The following CACNG8 variants were observed in gnomAD, a reference collection of about 807,000 sequenced individuals.
CACNG8 encodes the protein voltage-dependent calcium channel gamma-8 subunit.
A neutral mutation model predicts 26.9 loss-of-function variants in CACNG8; 5 were observed. The ratio of observed to expected loss-of-function variants is 0.19; its 90% CI spans 0.10 to 0.39. The LOEUF is 0.39. CACNG8 is among the 10% of genes least tolerant of loss of function. CACNG8 has a pLI of 1.00. For synonymous variants in CACNG8, 321 were observed against 296.7 expected (o/e 1.08, Z -0.84); for missense variants, 473 against 609.4 (o/e 0.78, Z 2.36).
At position 53,978,429 on chromosome 19, in the gene CACNG8, C is replaced by A. The variant is rs1050813530; in HGVS notation, c.367+200C>A. On this transcript the variant is annotated intron_variant, in intron 2 of 3. Transcript: ENST00000270458. Reference sequence around the variant, plus strand: ...TGACTGATCTCGTTCCCGCCCCCTCCTCTCACCTTGGGGCGGGCTGAGGGA... The same window carrying A: ...TGACTGATCTCGTTCCCGCCCCCTCATCTCACCTTGGGGCGGGCTGAGGGA... Among the ~76,000 whole-genome samples the A allele has an allele frequency of 3.9e-5, 6 of 152,150 alleles. No homozygotes were observed. In the East Asian group the frequency reaches 1.2e-3, roughly 29 times the overall value.
Position 53,982,342 on chromosome 19 carries a change from C to A in CACNG8, c.771C>A (p.Pro257=). The A allele has an allele frequency of 1.9e-6, 3 of 1,555,324 alleles. No homozygotes were observed. The highest frequency in any genetic ancestry group is 2.6e-6 in the Non-Finnish European group (3 of 1,154,492). ...CGGGCGGCAGTGGCGGGAGCGGCCC[C>A]TCGGCCATCCTCCGTCTGCCCAGTT... is the stretch of plus-strand genomic sequence containing the variant. Residue 257 remains proline (P), a synonymous_variant, in exon 4 of 4, where the codon CCC becomes CCA. Transcript: ENST00000270458. The surrounding 1 kb of genome is among the most constrained non-coding windows in gnomAD (Gnocchi z 8.4).
Position 53,966,555 on chromosome 19 carries a change from G to A in CACNG8, c.283+3130G>A, listed in dbSNP as rs576113821. Among the ~76,000 whole-genome samples, 4 of 152,136 alleles carry A rather than the reference G, an allele frequency of 2.6e-5. No homozygotes were observed. In the East Asian group the frequency reaches 7.7e-4, roughly 29 times the overall value. On this transcript the variant is annotated intron_variant, in intron 1 of 3. Transcript: ENST00000270458. ...AGCCTCCCAAATAGCTAGAACTACA[G>A]GCACATGCCCCCATTTTTTGTAGAC...
intron 1 of CACNG8, among the ~76,000 whole-genome samples, chr19:53,968,026 A>G (rs927986734): frequency 2.0e-5 from 3 of 152,040 alleles, no homozygotes; most frequent in African/African-American, 7.2e-5. Flanking sequence ...GCTGGGCTGG[A>G]GATATCAGTT....
intron 1 of CACNG8, among the ~76,000 whole-genome samples, chr19:53,968,092 C>T (rs778779655): frequency 2.0e-5 from 3 of 150,956 alleles, no homozygotes; most frequent in Non-Finnish European, 3.0e-5. Context: ...AGAGAAGAGA[C>T]AGTTGGGTGC....
chr19:53,980,271 C>T (rs904224570), intron 3 of CACNG8, among the ~76,000 whole-genome samples: 3 of 151,822 alleles, frequency 2.0e-5, no homozygotes, highest in Non-Finnish European at 4.4e-5. Context: ...GTGTCTGGCG[C>T]GTAAGACGCC....
intron 2 of CACNG8, 89 bp downstream of exon 2, chr19:53,978,318 G>C (rs1320596301): frequency 7.2e-6 from 7 of 968,462 alleles, no homozygotes; most frequent in African/African-American, 3.2e-5. Context: ...AAGGCACTGG[G>C]ACTCCGGCAC....
In CACNG8 at chr19:53,982,213, C is replaced by T. The variant is rs2069373918; in HGVS notation, c.642C>T (p.Ile214=). 2 of 1,613,162 alleles carry T rather than the reference C, an allele frequency of 1.2e-6. No homozygotes were observed. Among genetic ancestry groups the T allele is most frequent in the Non-Finnish European group, 1.7e-6 (2 of 1,179,752 alleles). The change falls in exon 4 of 4, where the codon ATC becomes ATT. Residue 214 remains isoleucine, a synonymous_variant. Coordinates refer to ENST00000270458, the MANE Select transcript of CACNG8 (RefSeq NM_031895.6). The surrounding 1 kb of genome is among the most constrained non-coding windows in gnomAD (Gnocchi z 8.4). ...TCTACTTCGGCGGGCTGTCGTTCAT[C>T]CTGGCCGAGGTGATAGGCGTGCTGG...
chr19:53,963,225 C>G lies in CACNG8; in HGVS notation c.83C>G (p.Ala28Gly). 6.2e-7 allele frequency: 1 copy of G among 1,608,440 alleles called. No individual in the cohort carries two copies. The highest frequency in any genetic ancestry group is 1.1e-5 in the South Asian group (1 of 90,602). ...CAGGTGCTGCTGACGACGGTGGGCGCCTTCGCCGCCTTCGGCCTCATGACC... is the reference window on the plus strand; with the variant it reads ...CAGGTGCTGCTGACGACGGTGGGCGGCTTCGCCGCCTTCGGCCTCATGACC... Residue 28 changes from alanine to glycine, a missense_variant, in exon 1 of 4, where the codon GCC becomes GGC. Transcript: ENST00000270458.
chr19:53,980,052 G>T, intron 3 of CACNG8, 45 bp downstream of exon 3: 1 of 1,551,834 alleles, frequency 6.4e-7, no homozygotes, highest in Non-Finnish European at 8.7e-7. Context: ...CCACCTGGGC[G>T]CGCACGTGTG....
At chr19:53,975,873 T>G (rs2069327980) in intron 1 of CACNG8, among the ~76,000 whole-genome samples, 1 of 152,150 alleles carries the variant, frequency 6.6e-6, no homozygotes, top group Admixed American at 6.5e-5. Context: ...GGGTAATGGG[T>G]GCTATACATC....
intron 1 of CACNG8, among the ~76,000 whole-genome samples, chr19:53,963,805 T>TC (rs72367747): frequency 0.019 from 1,066 of 55,548 alleles, 23 homozygotes; most frequent in African/African-American, 0.053. Flanking sequence ...GCCTTTTCTC[T>TC]TTTTTTTTTT....
intron 2 of CACNG8, among the ~76,000 whole-genome samples, chr19:53,978,911 G>C (rs2069346882): frequency 1.4e-5 from 2 of 140,216 alleles, no homozygotes; most frequent in Non-Finnish European, 3.0e-5. Flanking sequence ...GGAGTGAAGA[G>C]AAGAGAAACC....
chr19:53,982,141 G>T lies in CACNG8; in HGVS notation c.570G>T (p.Pro190=), dbSNP rs781021411. ...CCGCCAACGCGGGCGAGCCGGGCCC[G>T]AAGCGGGACGAGGAGAAGAAAAACC... is the stretch of plus-strand genomic sequence containing the variant. Residue 190 remains proline, a synonymous_variant, in exon 4 of 4, where the codon CCG becomes CCT. Coordinates refer to ENST00000270458, the MANE Select transcript of CACNG8 (RefSeq NM_031895.6). The surrounding 1 kb of genome is among the most constrained non-coding windows in gnomAD (Gnocchi z 8.4). 5.0e-6 allele frequency: 8 copies of T among 1,611,438 alleles called. No individual in the cohort carries two copies. In the Admixed American group the frequency reaches 1.3e-4, roughly 27 times the overall value.
rs2069383583 is a variant in CACNG8, at chr19:53,982,961, A to G, written c.*112A>G. On this transcript the variant is annotated 3_prime_UTR_variant, in exon 4 of 4. Coordinates refer to ENST00000270458, the MANE Select transcript of CACNG8 (RefSeq NM_031895.6). This position sits in a 1 kb window ranked among gnomAD's most constrained non-coding sequence, Gnocchi z 8.4. ...GCTTTCCCCCGTGAGCGCGCTGGAG[A>G]CTGCTGGGCCCGCCCCACGCCCACC... 7 of 660,566 alleles carry G rather than the reference A, an allele frequency of 1.1e-5. No homozygotes were observed. The highest frequency in any genetic ancestry group is 1.4e-5 in the Non-Finnish European group (7 of 494,156). The allele number at this position is 660,566 out of a possible 1,614,324, so 40.9% of individuals were successfully genotyped here. A position where few individuals can be genotyped will look rare whatever the true frequency, so the allele number is the denominator to read the frequency against.
rs142201844 is a variant in CACNG8, at chr19:53,976,024, A to G, written c.284-2122A>G. Among the ~76,000 whole-genome samples the G allele has an allele frequency of 6.2e-3, 944 of 152,322 alleles. 8 individuals are homozygous for G. Among genetic ancestry groups the G allele is most frequent in the African/African-American group, 0.021 (882 of 41,578 alleles). On this transcript the variant is annotated intron_variant, in intron 1 of 3. Transcript: ENST00000270458. ...TGGGGAAACTGAAGCAAGCTGGCCT[A>G]TGTAACACCAGCAAGGACACAGAAT...
chr19:53,979,332 A>T (rs1229728936), intron 2 of CACNG8, among the ~76,000 whole-genome samples: 1 of 151,844 alleles, frequency 6.6e-6, no homozygotes, highest in Non-Finnish European at 1.5e-5. Context: ...GAAGAAGGGA[A>T]GAGAAACTCA....
intron 1 of CACNG8, among the ~76,000 whole-genome samples, chr19:53,972,524 G>T (rs141939157): frequency 0.037 from 5,617 of 151,148 alleles, 319 homozygotes; most frequent in African/African-American, 0.13. Flanking sequence ...ACCATGCCTG[G>T]CTAATTTTTG....
In CACNG8 at chr19:53,963,292, C is replaced by G. The variant is rs1242207781; in HGVS notation, c.150C>G (p.Leu50=). 14 of 1,608,902 alleles carry G rather than the reference C, an allele frequency of 8.7e-6. No homozygotes were observed. The East Asian group carries it at 1.6e-4, about 18-fold the overall frequency. The change falls in exon 1 of 4, where the codon CTC becomes CTG. Residue 50 remains leucine (L), a synonymous_variant. Coordinates refer to ENST00000270458, the MANE Select transcript of CACNG8 (RefSeq NM_031895.6). ...ACTACTGGCTCTACACGCGCGCCCTCATCTGCAACACCACCAACCTCACGG... is the reference window on the plus strand; with the variant it reads ...ACTACTGGCTCTACACGCGCGCCCTGATCTGCAACACCACCAACCTCACGG...
At chr19:53,977,253 A>G (rs527639364) in intron 1 of CACNG8, among the ~76,000 whole-genome samples, 33 of 152,342 alleles carry the variant, frequency 2.2e-4, no homozygotes, top group Admixed American at 2.1e-3. Context: ...CTGCAGGTAA[A>G]GTACTACATC....
Sources: gnomAD v4.1 joint callset for allele counts (sites outside exome capture counted in the v4.1 genomes callset) on GRCh38, gnomAD v4.1.1 for gene constraint, Gnocchi (gnomAD v3.1) non-coding constraint, MANE v1.5 for transcripts, NCBI Gene and HGNC (gene_info 2026-07-23, HGNC 2026-07-21) for gene names.